Variants in KDM5B observed in about 807,000 individuals in gnomAD.
KDM5B encodes lysine demethylase 5B, also known as lysine-specific demethylase 5B.
In KDM5B, 144 loss-of-function variants were observed where a neutral mutation model predicts 193.4. The observed-to-expected ratio is 0.74, with a 90% CI of 0.65 to 0.86. The LOEUF (loss-of-function observed/expected upper bound fraction) is 0.86, where lower values mean the gene tolerates loss of function less well. Ranked by LOEUF, KDM5B falls within the 40% of genes least tolerant of loss-of-function variation. The probability of loss-of-function intolerance (pLI) is 0.00; values close to 1 mark genes in which losing one functional copy is unlikely to be tolerated. For missense variants in KDM5B, 1,833 were observed against 1,886.9 expected (o/e 0.97, Z 0.53); for synonymous variants, 668 against 682.6 (o/e 0.98, Z 0.33).
intron 1 of KDM5B, among the ~76,000 whole-genome samples, chr1:202,804,055 A>C (rs1300903380): frequency 1.3e-5 from 2 of 152,064 alleles, no homozygotes; most frequent in East Asian, 3.9e-4. Flanking sequence ...CACGTTGTAC[A>C]CATGTACCCT....
chr1:202,736,859 C>T (rs184271507), intron 20 of KDM5B, among the ~76,000 whole-genome samples: 23 of 152,240 alleles, frequency 1.5e-4, no homozygotes, highest in African/African-American at 4.8e-4. Flanking sequence ...CCAGGCTGGT[C>T]TCAAACTCCT....
At chr1:202,758,251 C>A (rs1277038649) in intron 9 of KDM5B, 140 bp downstream of exon 9, 2 of 580,898 alleles carry the variant, frequency 3.4e-6, no homozygotes, top group East Asian at 6.5e-5. Flanking sequence ...TTAAATACCA[C>A]AAAACAAATT....
intron 5 of KDM5B, among the ~76,000 whole-genome samples, chr1:202,765,047 G>T (rs748310824): frequency 2.0e-5 from 3 of 152,130 alleles, no homozygotes; most frequent in Non-Finnish European, 4.4e-5. Flanking sequence ...AAGGTTCTTG[G>T]TTCTTATCTA....
Position 202,732,358 on chromosome 1 carries a change from C to G in KDM5B, c.3910-419G>C, listed in dbSNP as rs561926265. ...CATCCATAACCACTTTCCTATCTTC[C>G]TTAGTGTTTTATTAAAGGAGCTAGG... is the stretch of plus-strand genomic sequence containing the variant. On this transcript the variant is annotated intron_variant, in intron 23 of 26. Transcript: ENST00000367265. 8.5e-5 allele frequency among the ~76,000 whole-genome samples: 13 copies of G among 152,256 alleles called. No homozygotes were observed. In the East Asian group the frequency reaches 1.9e-3, roughly 23 times the overall value.
At chr1:202,756,931 A>T (rs1385672269) in intron 9 of KDM5B, among the ~76,000 whole-genome samples, 1 of 152,158 alleles carries the variant, frequency 6.6e-6, no homozygotes, top group African/African-American at 2.4e-5. Context: ...CCATCCTTTC[A>T]TTCTTTTCAC....
At chr1:202,731,801 C>A in intron 24 of KDM5B, 27 bp downstream of exon 24, 1 of 1,434,754 alleles carries the variant, frequency 7.0e-7, no homozygotes, top group Non-Finnish European at 9.8e-7. Flanking sequence ...TACTATCCAG[C>A]CCTCAACGTA....
At chr1:202,740,262 C>T (rs1452797694) in intron 20 of KDM5B, among the ~76,000 whole-genome samples, 56 of 140,214 alleles carry the variant, frequency 4.0e-4, no homozygotes, top group African/African-American at 1.4e-3. Context: ...CCGGACGGGG[C>T]GGCTGGCCGG....
intron 16 of KDM5B, among the ~76,000 whole-genome samples, chr1:202,743,383 T>C (rs1189935784): frequency 8.6e-6 from 1 of 116,640 alleles, no homozygotes; most frequent in Non-Finnish European, 1.8e-5. Context: ...ATGTTTAAAA[T>C]AGACAAAAAG....
At chr1:202,751,539 G>C (rs914531770) in intron 12 of KDM5B, among the ~76,000 whole-genome samples, 1 of 151,896 alleles carries the variant, frequency 6.6e-6, no homozygotes, top group Admixed American at 6.6e-5. Flanking sequence ...TCTTCTACTT[G>C]GAATACTTCC....
At chr1:202,753,359 G>A (rs1307191974) in intron 11 of KDM5B, among the ~76,000 whole-genome samples, 1 of 152,110 alleles carries the variant, frequency 6.6e-6, no homozygotes, top group Non-Finnish European at 1.5e-5. Context: ...GCCAGGCATG[G>A]TGGCAGGCAC....
intron 3 of KDM5B, 72 bp downstream of exon 3, chr1:202,774,541 T>C (rs762894777): frequency 6.8e-7 from 1 of 1,460,866 alleles, no homozygotes; most frequent in African/African-American, 1.4e-5. Context: ...AGTTCCTTTT[T>C]AAGGCAAAGA....
chr1:202,766,875 T>C (rs374316057), intron 5 of KDM5B, 51 bp downstream of exon 5: 15 of 1,520,270 alleles, frequency 9.9e-6, no homozygotes, highest in African/African-American at 1.4e-5. Flanking sequence ...AGACAGCCAT[T>C]GGTATTAGGG....
intron 14 of KDM5B, among the ~76,000 whole-genome samples, chr1:202,746,957 C>T (rs1480154193): frequency 1.3e-5 from 2 of 152,166 alleles, no homozygotes; most frequent in African/African-American, 4.8e-5. Flanking sequence ...CAGTAAATTT[C>T]AACATAATCT....
intron 9 of KDM5B, among the ~76,000 whole-genome samples, chr1:202,757,017 G>A (rs12132801): frequency 0.19 from 28,117 of 151,792 alleles, 2,970 homozygotes; most frequent in Middle Eastern, 0.28. Flanking sequence ...GTGTCCCTGT[G>A]TTTTTGGCAC....
At chr1:202,796,368 G>A (rs568430668) in intron 1 of KDM5B, 16 of 313,992 alleles carry the variant, frequency 5.1e-5, no homozygotes, top group African/African-American at 3.4e-4. Flanking sequence ...TGAGGCACAA[G>A]GGCACCAGGA....
intron 10 of KDM5B, among the ~76,000 whole-genome samples, chr1:202,755,927 A>G (rs1406996493): frequency 6.6e-6 from 1 of 151,936 alleles, no homozygotes; most frequent in Non-Finnish European, 1.5e-5. Flanking sequence ...GTCTGTATAC[A>G]TATAACTATG....
intron 14 of KDM5B, 63 bp downstream of exon 14, chr1:202,748,882 G>T: frequency 7.5e-7 from 1 of 1,326,726 alleles, no homozygotes; most frequent in Non-Finnish European, 1.0e-6. Context: ...ATATTAAAGT[G>T]CGTAAAAATT....
intron 25 of KDM5B, among the ~76,000 whole-genome samples, 197 bp from the exon 26 acceptor site, chr1:202,730,224 A>G (rs1654832429): frequency 6.6e-6 from 1 of 152,136 alleles, no homozygotes. Context: ...TCCTTCCCCT[A>G]TCACTGTTAA....
intron 20 of KDM5B, among the ~76,000 whole-genome samples, chr1:202,740,066 C>T (rs1655249811): frequency 6.6e-6 from 1 of 151,992 alleles, no homozygotes; most frequent in Admixed American, 6.6e-5. Context: ...CAGAGGCGCC[C>T]CTCACCTCCC....
Sources: gnomAD v4.1 joint callset for allele counts (sites outside exome capture counted in the v4.1 genomes callset) on GRCh38, gnomAD v4.1.1 for gene constraint, MANE v1.5 for transcripts, NCBI Gene and HGNC (gene_info 2026-07-23, HGNC 2026-07-21) for gene names.